PTGR2: variants seen among roughly 807,000 people sequenced by gnomAD.
PTGR2 encodes prostaglandin reductase 2.
In PTGR2, 32 loss-of-function variants were observed where a neutral mutation model predicts 43.4. The ratio of observed to expected loss-of-function variants is 0.74; its 90% CI spans 0.56 to 0.99. The LOEUF (loss-of-function observed/expected upper bound fraction) is 0.99, where lower values mean the gene tolerates loss of function less well. PTGR2 is among the 50% of genes least tolerant of loss of function. PTGR2 has a pLI of 0.00. For synonymous variants in PTGR2, 106 were observed against 139.2 expected, an observed-to-expected ratio of 0.76 and a Z score of 1.68; for missense variants, 373 against 420.0, an observed-to-expected ratio of 0.89 and a Z score of 0.98.
intron 1 of PTGR2, among the ~76,000 whole-genome samples, chr14:73,857,309 G>A (rs1041749813): frequency 1.3e-5 from 2 of 149,872 alleles, no homozygotes; most frequent in African/African-American, 4.9e-5. Flanking sequence ...GAATAGAAGA[G>A]CCTTTGAAAA....
intron 9 of PTGR2, among the ~76,000 whole-genome samples, chr14:73,883,464 A>C (rs927742332): frequency 6.8e-6 from 1 of 146,496 alleles, no homozygotes; most frequent in African/African-American, 2.6e-5. Flanking sequence ...AAAGTGCTGG[A>C]ATTTACAGGT....
rs1043794350 is a variant in PTGR2 at position 73,878,550 on chromosome 14, A to G, written c.520-546A>G. 24 of 310,002 alleles carry G rather than the reference A, an allele frequency of 7.7e-5. 1 individual carries two copies. The highest frequency in any genetic ancestry group is 9.9e-5 in the East Asian group (1 of 10,128). 19.2% of individuals were successfully genotyped at this position (310,002 alleles called of 1,614,324 possible). A position where few individuals can be genotyped will look rare whatever the true frequency, so the allele number is the denominator to read the frequency against. On this transcript the variant is annotated intron_variant, in intron 5 of 9. Transcript: ENST00000555661. ...CTTTTCCCAGGCTAGCGATATCAGT[A>G]TGACACTCTCTCGAGATGCTGGGCA... is the stretch of plus-strand genomic sequence containing the variant.
intron 6 of PTGR2, 54 bp from the exon 7 acceptor site, chr14:73,880,001 T>TA: frequency 1.3e-6 from 2 of 1,590,400 alleles, no homozygotes; most frequent in Non-Finnish European, 1.7e-6. Context: ...ATGGCAGCCA[T>TA]AAAATCAGTA....
At chr14:73,857,396 T>G (rs1338762066) in intron 1 of PTGR2, among the ~76,000 whole-genome samples, 2 of 151,900 alleles carry the variant, frequency 1.3e-5, no homozygotes, top group Non-Finnish European at 2.9e-5. Context: ...GCAGATCACT[T>G]GAGGTCAGGA....
At chr14:73,861,592 C>G (rs1349750386) in intron 3 of PTGR2, 1 of 152,024 alleles carries the variant, frequency 6.6e-6, no homozygotes, top group East Asian at 1.9e-4. Context: ...AAAATTTAGA[C>G]AGGTGTGGTG....
intron 3 of PTGR2, among the ~76,000 whole-genome samples, chr14:73,869,752 G>A (rs184542598): frequency 2.0e-5 from 3 of 151,952 alleles, no homozygotes; most frequent in Admixed American, 2.0e-4. Context: ...CAGGCTGGGC[G>A]AGGTGGCTCA....
At chr14:73,865,894 A>C (rs1460926606) in intron 3 of PTGR2, among the ~76,000 whole-genome samples, 1 of 152,218 alleles carries the variant, frequency 6.6e-6, no homozygotes, top group African/African-American at 2.4e-5. Context: ...CTGGACTTTC[A>C]ACTCTATTCT....
At chr14:73,855,248 C>T (rs1452001534) in intron 1 of PTGR2, among the ~76,000 whole-genome samples, 2 of 152,042 alleles carry the variant, frequency 1.3e-5, no homozygotes. Flanking sequence ...TAAGGAATTG[C>T]CAGTACTACT....
At chr14:73,883,220 T>TTTA (rs2055041885) in intron 9 of PTGR2, among the ~76,000 whole-genome samples, 1 of 103,794 alleles carries the variant, frequency 9.6e-6, no homozygotes, top group Non-Finnish European at 1.9e-5. Context: ...TTTTTTTTTT[T>TTTA]AAAGAGATGA....
rs1244532323 is a variant in PTGR2 at position 73,884,269 on chromosome 14, C to A, written c.*92C>A. 5.2e-6 allele frequency: 4 copies of A among 765,304 alleles called. No individual in the cohort carries two copies. Among genetic ancestry groups the A allele is most frequent in the Non-Finnish European group, 8.7e-6 (4 of 461,708 alleles). 47.4% of individuals were successfully genotyped at this position (765,304 alleles called of 1,614,324 possible). ...TAAAAAATCCTTAGACTATACATAG[C>A]TCTTGATTTAAATGTGATCATAGGT... On this transcript the variant is annotated 3_prime_UTR_variant, in exon 10 of 10. Coordinates refer to ENST00000555661, the MANE Select transcript of PTGR2 (RefSeq NM_001146154.2).
chr14:73,882,242 T>C (rs1346020775), intron 8 of PTGR2, among the ~76,000 whole-genome samples, 157 bp from the exon 9 acceptor site: 2 of 152,198 alleles, frequency 1.3e-5, no homozygotes, highest in African/African-American at 4.8e-5. Context: ...AAAAAATCAA[T>C]TGATAGGAAG....
In PTGR2 at chr14:73,884,138, A is replaced by G. The variant is rs146535326; in HGVS notation, c.1017A>G (p.Gly339=). The G allele has an allele frequency of 7.7e-4, 1,245 of 1,608,596 alleles. 1 individual carries two copies. Among genetic ancestry groups the G allele is most frequent in the Non-Finnish European group, 1.0e-3 (1,190 of 1,177,416 alleles). The part of the protein sequence containing the change: ...FQSMMTGGNI[G]KQIVCISEEI... Reference sequence around the variant, plus strand: ...CCATGATGACAGGAGGTAACATTGGAAAGCAGATAGTTTGCATTTCAGAAG... The same window carrying G: ...CCATGATGACAGGAGGTAACATTGGGAAGCAGATAGTTTGCATTTCAGAAG... The change falls in exon 10 of 10, where the codon GGA becomes GGG. Residue 339 remains glycine (G), a synonymous_variant. Coordinates refer to ENST00000555661, the MANE Select transcript of PTGR2 (RefSeq NM_001146154.2).
intron 3 of PTGR2, among the ~76,000 whole-genome samples, chr14:73,861,901 G>A (rs1424995699): frequency 1.3e-5 from 2 of 150,070 alleles, no homozygotes; most frequent in Admixed American, 6.6e-5. Flanking sequence ...TTTTTGGGAC[G>A]GAGTCTCACT....
At chr14:73,870,426 C>T (rs1253801366) in intron 3 of PTGR2, among the ~76,000 whole-genome samples, 1 of 151,742 alleles carries the variant, frequency 6.6e-6, no homozygotes, top group East Asian at 1.9e-4. Flanking sequence ...GTGATCTGCC[C>T]GCCTTGGCCT....
At chr14:73,881,753 CAT>C (rs2054992214) in intron 8 of PTGR2, among the ~76,000 whole-genome samples, 1 of 142,634 alleles carries the variant, frequency 7.0e-6, no homozygotes, top group Admixed American at 7.1e-5. Flanking sequence ...GGGCTTCAGA[CAT>C]ACTGGCCTAG....
chr14:73,868,723 T>C (rs2054658306), intron 3 of PTGR2, among the ~76,000 whole-genome samples: 1 of 151,876 alleles, frequency 6.6e-6, no homozygotes. Flanking sequence ...TCATGTAATA[T>C]ACTCAAGGTT....
intron 3 of PTGR2, among the ~76,000 whole-genome samples, chr14:73,862,621 A>G (rs1280223481): frequency 6.6e-6 from 1 of 152,240 alleles, no homozygotes; most frequent in East Asian, 1.9e-4. Context: ...GCAATGTACC[A>G]ATGTTAATGT....
At chr14:73,863,447 T>C (rs2054537598) in intron 3 of PTGR2, among the ~76,000 whole-genome samples, 1 of 152,140 alleles carries the variant, frequency 6.6e-6, no homozygotes, top group Admixed American at 6.6e-5. Flanking sequence ...CTTGAGTAGC[T>C]GAGACCATAG....
rs11159042 is a variant in PTGR2, at chr14:73,874,094, A to T, written c.228A>T (p.Gly76=). 843,591 of 1,612,544 alleles carry T rather than the reference A, an allele frequency of 0.52. 222,704 individuals carry two copies. Among genetic ancestry groups the T allele is most frequent in the South Asian group, 0.62 (56,034 of 90,998 alleles). The change falls in exon 4 of 10, where the codon GGA becomes GGT. Residue 76 remains glycine (G), a synonymous_variant. Coordinates refer to ENST00000555661, the MANE Select transcript of PTGR2 (RefSeq NM_001146154.2). ...GGCAGCTATCTCAAGTCGTTGATGG[A>T]GGAGGTATTGGAATTATAGAAGAAA... The part of the protein sequence containing the change: ...TPWQLSQVVD[G]GGIGIIEESK...
Sources: allele counts gnomAD v4.1 joint callset (sites outside exome capture counted in the v4.1 genomes callset), GRCh38; gene constraint gnomAD v4.1.1; transcripts MANE v1.5; gene names NCBI Gene and HGNC (gene_info 2026-07-23, HGNC 2026-07-21).